Variants in APOL4 observed in about 807,000 individuals in gnomAD.
APOL4 encodes apolipoprotein L4, also known as apolipoprotein L, 4.
A neutral mutation model predicts 12.1 loss-of-function variants in APOL4; 14 were observed. That is an observed-to-expected ratio of 1.16 (90% CI 0.76 to 1.81). APOL4 has a LOEUF of 1.81. APOL4 is among the 40% of genes most tolerant of loss of function. APOL4 has a pLI of 0.00. For synonymous variants in APOL4, 171 were observed against 160.6 expected (o/e 1.06, Z -0.49); for missense variants, 432 against 423.1 (o/e 1.02, Z -0.18).
Position 36,191,113 on chromosome 22 carries a change from C to T in APOL4, c.1009G>A (p.Glu337Lys). ...WAQELEENLN[E>K]LTHIHQSLKA... ...AGACTCTGATGGATATGGGTGAGCT[C>T]ATTGAGATTCTCCTCCAGCTCCTGA... is the stretch of plus-strand genomic sequence containing the variant. The change falls in exon 4 of 4, where the codon GAG becomes AAG. Residue 337 changes from glutamate (E) to lysine (K), a missense_variant. Physicochemically the swap from Glu to Lys is moderately conservative, Grantham distance 56. Transcript: ENST00000683024. 1.2e-6 allele frequency: 2 copies of T among 1,609,312 alleles called. No individual in the cohort carries two copies. The highest frequency in any genetic ancestry group is 1.7e-6 in the Non-Finnish European group (2 of 1,177,670).
chr22:36,196,855 C>T (rs2014425208), intron 2 of APOL4, among the ~76,000 whole-genome samples: 1 of 151,974 alleles, frequency 6.6e-6, no homozygotes, highest in Non-Finnish European at 1.5e-5. Flanking sequence ...TAAAAAATGC[C>T]TGTGGTTTCT....
At chr22:36,195,774 TCTCACACACACA>T (rs1201982411) in intron 2 of APOL4, among the ~76,000 whole-genome samples, 42 of 65,926 alleles carry the variant, frequency 6.4e-4, no homozygotes, top group East Asian at 2.0e-3. Flanking sequence ...TCTCTCTCTC[TCTCACACACACA>T]CACACACACA....
At chr22:36,192,107 G>T (rs753040891) in intron 3 of APOL4, among the ~76,000 whole-genome samples, 195 bp from the exon 4 acceptor site, 1 of 152,316 alleles carries the variant, frequency 6.6e-6, no homozygotes, top group African/African-American at 2.4e-5. Flanking sequence ...TTGGGAGGCC[G>T]AGATGGGTGG....
intron 3 of APOL4, chr22:36,195,023 A>T: frequency 3.4e-6 from 1 of 298,492 alleles, no homozygotes. Flanking sequence ...AGCTCAATGG[A>T]TGAAGAAAGG....
At position 36,191,029 on chromosome 22, in the gene APOL4, G is replaced by A. The variant is rs529788459; in HGVS notation, c.*46C>T. The A allele has an allele frequency of 7.5e-4, 1,123 of 1,497,086 alleles. 1 individual carries two copies. The highest frequency in any genetic ancestry group is 8.7e-4 in the Non-Finnish European group (961 of 1,108,942). 92.7% of individuals were successfully genotyped at this position (1,497,086 alleles called of 1,614,324 possible). ...TCCACGTTCTTCTGCCATGGCTTCAGCCAGTCCCTCCGTTTGGGGTCCCTG... is the reference window on the plus strand; with the variant it reads ...TCCACGTTCTTCTGCCATGGCTTCAACCAGTCCCTCCGTTTGGGGTCCCTG... On this transcript the variant is annotated 3_prime_UTR_variant, in exon 4 of 4. Transcript: ENST00000683024.
At chr22:36,203,491 G>A (rs912290047), upstream of APOL4, among the ~76,000 whole-genome samples, 15 of 152,120 alleles carry the variant, frequency 9.9e-5, no homozygotes, top group East Asian at 1.9e-4. Flanking sequence ...TAGTGTGTGC[G>A]TCAGTAATTT....
intron 2 of APOL4, among the ~76,000 whole-genome samples, chr22:36,196,769 A>C (rs1265643962): frequency 6.6e-6 from 1 of 152,138 alleles, no homozygotes; most frequent in Non-Finnish European, 1.5e-5. Flanking sequence ...ACACCACCCA[A>C]CCCAGCAAGC....
chr22:36,197,545 G>C (rs2014446581), intron 2 of APOL4: 7 of 1,392,030 alleles, frequency 5.0e-6, no homozygotes, highest in Non-Finnish European at 6.6e-6. Flanking sequence ...AACATTCCCG[G>C]GCAAACAAAA....
rs78582347 is a variant in APOL4, at chr22:36,191,840, C to T, written c.282G>A (p.Met94Ile). 5.6e-3 allele frequency: 9,071 copies of T among 1,613,570 alleles called. 400 individuals are homozygous for T. The African/African-American group carries it at 0.1, about 18-fold the overall frequency. The change falls in exon 4 of 4, where the codon ATG becomes ATA. Residue 94 changes from methionine (M) to isoleucine (I), a missense_variant. By Grantham distance (10) the Met-to-Ile change is conservative. Transcript: ENST00000683024. Reference sequence around the variant, plus strand: ...CCCTAAACTGCTGTTCTTTTTGCTGCATGTCTTTGTCCTCAATAGCCACAT... The same window carrying T: ...CCCTAAACTGCTGTTCTTTTTGCTGTATGTCTTTGTCCTCAATAGCCACAT... ...TPYVAIEDKD[M>I]QQKEQQFREW...
At chr22:36,196,785 G>A (rs1440575965) in intron 2 of APOL4, among the ~76,000 whole-genome samples, 4 of 152,222 alleles carry the variant, frequency 2.6e-5, no homozygotes, top group Non-Finnish European at 4.4e-5. Flanking sequence ...CAAGCAGGAA[G>A]CTCAGGATTT....
Position 36,191,396 on chromosome 22 carries a change from A to T in APOL4, c.726T>A (p.Asn242Lys). 6.2e-7 allele frequency: 1 copy of T among 1,614,072 alleles called. No homozygotes were observed. The change falls in exon 4 of 4, where the codon AAT becomes AAA. Residue 242 changes from asparagine to lysine, a missense_variant. Asn to Lys is a moderately conservative substitution (Grantham distance 94). Transcript: ENST00000683024. ...DFDEATKMIANDVHTLRRSKA... is the reference protein window; with the variant it reads ...DFDEATKMIAKDVHTLRRSKA... Reference sequence around the variant, plus strand: ...TAGATCTCCTGAGTGTATGGACATCATTCGCAATCATTTTTGTGGCTTCGT... The same window carrying T: ...TAGATCTCCTGAGTGTATGGACATCTTTCGCAATCATTTTTGTGGCTTCGT...
rs371178279 is a variant in APOL4 at position 36,192,538 on chromosome 22, G to A, written c.210-626C>T. ...TCACTACCAGGGTGTGTGGAGAGGG[G>A]AAACTTTGTAGAAAAACAAAGAGAA... is the stretch of plus-strand genomic sequence containing the variant. On this transcript the variant is annotated intron_variant, in intron 3 of 3. Coordinates refer to ENST00000683024, the MANE Select transcript of APOL4 (RefSeq NM_001386885.1). 4.5e-4 allele frequency among the ~76,000 whole-genome samples: 69 copies of A among 152,258 alleles called. 1 individual carries two copies. Among genetic ancestry groups the A allele is most frequent in the South Asian group, 3.3e-3 (16 of 4,822 alleles).
chr22:36,195,210 G>C, intron 3 of APOL4, 101 bp downstream of exon 3: 1 of 1,443,922 alleles, frequency 6.9e-7, no homozygotes, highest in Non-Finnish European at 9.3e-7. Context: ...CCCAGCAGAG[G>C]GGGCTGCCTG....
At chr22:36,199,225 G>A (rs553258135) in intron 2 of APOL4, 105 bp downstream of exon 2, 707 of 1,487,400 alleles carry the variant, frequency 4.8e-4, no homozygotes, top group Admixed American at 9.3e-4. Flanking sequence ...TTCCGTTGGG[G>A]CTCACTCAGC....
intron 2 of APOL4, chr22:36,197,744 C>A (rs1243135824): frequency 6.4e-7 from 1 of 1,550,524 alleles, no homozygotes; most frequent in Non-Finnish European, 8.7e-7. Context: ...AGAACAAGAA[C>A]TCCAGGCAGC....
At chr22:36,192,068 C>T (rs189153392) in intron 3 of APOL4, among the ~76,000 whole-genome samples, 156 bp from the exon 4 acceptor site, 3 of 152,178 alleles carry the variant, frequency 2.0e-5, no homozygotes, top group South Asian at 2.1e-4. Context: ...AGGCCGGGCG[C>T]GGTGGCTCAT....
rs765279563 is a variant in APOL4 at position 36,191,252 on chromosome 22, G to T, written c.870C>A (p.Gly290=). 1.2e-6 allele frequency: 2 copies of T among 1,614,038 alleles called. No individual in the cohort carries two copies. Among genetic ancestry groups the T allele is most frequent in the Non-Finnish European group, 1.7e-6 (2 of 1,179,898 alleles). The change falls in exon 4 of 4, where the codon GGC becomes GGA. Residue 290 remains glycine (G), a synonymous_variant. Coordinates refer to ENST00000683024, the MANE Select transcript of APOL4 (RefSeq NM_001386885.1). ...RIVRKVARNL[G]KATSGVLVVL... The stretch of plus-strand genomic sequence containing the variant: ...CAACAAGGACACCTGAAGTGGCCTT[G>T]CCCAGGTTCCGGGCTACTTTTCTCA...
At chr22:36,200,172 C>A (rs1199134800) in intron 1 of APOL4, among the ~76,000 whole-genome samples, 1 of 152,160 alleles carries the variant, frequency 6.6e-6, no homozygotes, top group Non-Finnish European at 1.5e-5. Flanking sequence ...GAGATGGGTA[C>A]CACTTTCCCA....
chr22:36,200,520 C>T (rs2014539901), intron 1 of APOL4, among the ~76,000 whole-genome samples: 1 of 152,260 alleles, frequency 6.6e-6, no homozygotes, highest in African/African-American at 2.4e-5. Flanking sequence ...CCTCCTGGCG[C>T]TGCCCTGTTC....
Sources: allele counts gnomAD v4.1 joint callset (sites outside exome capture counted in the v4.1 genomes callset), GRCh38; gene constraint gnomAD v4.1.1; transcripts MANE v1.5; gene names NCBI Gene and HGNC (gene_info 2026-07-23, HGNC 2026-07-21).